Variants in TMEM123 observed in about 807,000 individuals in gnomAD.
TMEM123 encodes porimin.
A neutral mutation model predicts 19.7 loss-of-function variants in TMEM123; 16 were observed. The observed-to-expected ratio is 0.81, with a 90% CI of 0.55 to 1.23. The LOEUF (loss-of-function observed/expected upper bound fraction) is 1.23. Among genes scored for constraint, TMEM123 ranks in the 50% most tolerant of loss-of-function variants. The pLI, the probability that TMEM123 is intolerant of heterozygous loss-of-function variation, is 0.00. For synonymous variants in TMEM123, 118 were observed against 99.4 expected, an observed-to-expected ratio of 1.19 and a Z score of -1.12; for missense variants, 313 against 257.8, an observed-to-expected ratio of 1.21 and a Z score of -1.47.
chr11:102,409,942 A>C (rs569397349), intron 2 of TMEM123, among the ~76,000 whole-genome samples: 25 of 152,272 alleles, frequency 1.6e-4, no homozygotes, highest in East Asian at 1.2e-3. Flanking sequence ...AAAAAAAGTC[A>C]CATCATGATA....
At chr11:102,443,279 C>G (rs1420093553) in intron 2 of TMEM123, among the ~76,000 whole-genome samples, 1 of 152,186 alleles carries the variant, frequency 6.6e-6, no homozygotes, top group Non-Finnish European at 1.5e-5. Flanking sequence ...AGGCATCATG[C>G]TACGTGATTT....
At chr11:102,452,354 C>T (rs901085371) in intron 1 of TMEM123, 170 bp downstream of exon 1, 2 of 473,020 alleles carry the variant, frequency 4.2e-6, no homozygotes, top group Non-Finnish European at 6.9e-6. Context: ...CAGCGGGTGA[C>T]TGGTCCAAAC....
At chr11:102,417,465 T>G (rs1431458145) in intron 2 of TMEM123, among the ~76,000 whole-genome samples, 1 of 152,082 alleles carries the variant, frequency 6.6e-6, no homozygotes, top group Non-Finnish European at 1.5e-5. Context: ...AGGTGAAAGA[T>G]CTCTACAACG....
intron 2 of TMEM123, among the ~76,000 whole-genome samples, chr11:102,447,158 T>C (rs1348372915): frequency 2.0e-5 from 3 of 152,088 alleles, no homozygotes; most frequent in African/African-American, 7.2e-5. Flanking sequence ...AGGCAATGCT[T>C]TTCTTCTTTC....
chr11:102,422,419 A>G (rs887390618), intron 2 of TMEM123, among the ~76,000 whole-genome samples: 9 of 152,148 alleles, frequency 5.9e-5, no homozygotes, highest in African/African-American at 2.2e-4. Context: ...GGTTGCAGTG[A>G]GCCGAGATTG....
At chr11:102,409,081 C>G (rs1027441531) in intron 2 of TMEM123, among the ~76,000 whole-genome samples, 1 of 152,048 alleles carries the variant, frequency 6.6e-6, no homozygotes, top group Non-Finnish European at 1.5e-5. Context: ...TTAAGGATGA[C>G]AATTTGTTTT....
chr11:102,406,928 A>C lies in TMEM123; in HGVS notation c.158-4722T>G, dbSNP rs114546918. On this transcript the variant is annotated intron_variant, in intron 2 of 4. Transcript: ENST00000398136. ...AGTACAGCTTAGAGAGGGGGAGGTC[A>C]CCAGTAGGGGGTGGAGCACCAAAAG... is the stretch of plus-strand genomic sequence containing the variant. Among the ~76,000 whole-genome samples, 1,157 of 151,558 alleles carry C rather than the reference A, an allele frequency of 7.6e-3. 14 individuals are homozygous for C. The highest frequency in any genetic ancestry group is 0.026 in the African/African-American group (1,061 of 41,320).
intron 2 of TMEM123, among the ~76,000 whole-genome samples, chr11:102,434,002 C>T (rs61895428): frequency 0.046 from 6,978 of 151,822 alleles, 378 homozygotes; most frequent in Middle Eastern, 0.13. Context: ...TTTATAGCAG[C>T]GAGAACAGAT....
intron 2 of TMEM123, among the ~76,000 whole-genome samples, chr11:102,441,043 G>C (rs1389113172): frequency 6.6e-6 from 1 of 152,144 alleles, no homozygotes; most frequent in African/African-American, 2.4e-5. Context: ...GATCCATAAA[G>C]CAAGTCCTTA....
chr11:102,401,299 GTGTT>G (rs1338868954), intron 4 of TMEM123, among the ~76,000 whole-genome samples: 2 of 152,152 alleles, frequency 1.3e-5, no homozygotes, highest in Non-Finnish European at 2.9e-5. Flanking sequence ...CCTGTAAAGT[GTGTT>G]TGACACTAGT....
At chr11:102,401,746 A>G (rs1951915262) in intron 3 of TMEM123, 54 bp from the exon 4 acceptor site, 3 of 1,504,634 alleles carry the variant, frequency 2.0e-6, no homozygotes, top group Non-Finnish European at 2.7e-6. Flanking sequence ...TTTTTTTAAC[A>G]TTGTAATTAA....
chr11:102,435,477 C>A (rs1041152500), intron 2 of TMEM123, among the ~76,000 whole-genome samples: 2 of 151,920 alleles, frequency 1.3e-5, no homozygotes, highest in African/African-American at 2.4e-5. Context: ...AACCCTTATA[C>A]ACTGCTGGTG....
intron 2 of TMEM123, among the ~76,000 whole-genome samples, chr11:102,417,700 A>G (rs1952053029): frequency 6.6e-6 from 1 of 152,188 alleles, no homozygotes; most frequent in Admixed American, 6.5e-5. Flanking sequence ...CCTAAGCAAA[A>G]AGAACAAAGC....
At chr11:102,441,053 A>G (rs1253776746) in intron 2 of TMEM123, among the ~76,000 whole-genome samples, 1 of 152,222 alleles carries the variant, frequency 6.6e-6, no homozygotes, top group Non-Finnish European at 1.5e-5. Flanking sequence ...GCAAGTCCTT[A>G]GAGACCTACA....
rs141180827 is a variant in TMEM123, at chr11:102,444,925, A to C, written c.157+3887T>G. 5.6e-3 allele frequency among the ~76,000 whole-genome samples: 857 copies of C among 152,084 alleles called. 7 individuals are homozygous for C. The highest frequency in any genetic ancestry group is 0.02 in the African/African-American group (821 of 41,466). ...TCAGCAAACTATCCGAAGGACAGAA[A>C]ACCAAACACCGCATGTTCTCACTCA... is the stretch of plus-strand genomic sequence containing the variant. On this transcript the variant is annotated intron_variant, in intron 2 of 4. Coordinates refer to ENST00000398136, the MANE Select transcript of TMEM123 (RefSeq NM_052932.3).
At chr11:102,425,949 A>T (rs941455137) in intron 2 of TMEM123, among the ~76,000 whole-genome samples, 1 of 152,000 alleles carries the variant, frequency 6.6e-6, no homozygotes, top group Non-Finnish European at 1.5e-5. Context: ...TTATTATTGT[A>T]CTTAGCATAC....
At chr11:102,443,894 GA>G (rs1236335028) in intron 2 of TMEM123, among the ~76,000 whole-genome samples, 4 of 152,292 alleles carry the variant, frequency 2.6e-5, no homozygotes, top group African/African-American at 9.6e-5. Flanking sequence ...CAAAGGATAT[GA>G]ACAGACACTT....
intron 2 of TMEM123, among the ~76,000 whole-genome samples, chr11:102,433,844 C>T (rs2135859110): frequency 6.6e-6 from 1 of 151,690 alleles, no homozygotes; most frequent in Non-Finnish European, 1.5e-5. Context: ...CTGGCATTTC[C>T]CCTGCTGGCA....
chr11:102,431,647 T>C (rs149887710), intron 2 of TMEM123, among the ~76,000 whole-genome samples: 2 of 152,362 alleles, frequency 1.3e-5, no homozygotes, highest in East Asian at 1.9e-4. Flanking sequence ...TAAAGCTGAA[T>C]AGTATTCCAT....
Sources: gnomAD v4.1 joint callset for allele counts (sites outside exome capture counted in the v4.1 genomes callset) on GRCh38, gnomAD v4.1.1 for gene constraint, MANE v1.5 for transcripts, NCBI Gene and HGNC (gene_info 2026-07-23, HGNC 2026-07-21) for gene names.